HIRA: variants seen among roughly 807,000 people sequenced by gnomAD.
HIRA encodes protein HIRA.
A neutral mutation model predicts 126.6 loss-of-function variants in HIRA; 13 were observed. The ratio of observed to expected loss-of-function variants is 0.10; its 90% CI spans 0.07 to 0.16. The LOEUF (loss-of-function observed/expected upper bound fraction) is 0.16, where lower values mean the gene tolerates loss of function less well. HIRA is among the 10% of genes least tolerant of loss of function. The probability of loss-of-function intolerance (pLI) is 1.00; values close to 1 mark genes in which losing one functional copy is unlikely to be tolerated. For synonymous variants in HIRA, 511 were observed against 520.0 expected, an observed-to-expected ratio of 0.98 and a Z score of 0.24; for missense variants, 834 against 1,314.4, an observed-to-expected ratio of 0.63 and a Z score of 5.65.
chr22:19,371,835 T>C (rs549135006), intron 15 of HIRA, among the ~76,000 whole-genome samples: 7 of 152,398 alleles, frequency 4.6e-5, no homozygotes, highest in Non-Finnish European at 1.0e-4. Context: ...TAATATTCTA[T>C]TGTATGGGTA....
chr22:19,349,019 G>A (rs562082829), intron 24 of HIRA, among the ~76,000 whole-genome samples: 80 of 151,654 alleles, frequency 5.3e-4, no homozygotes, highest in African/African-American at 1.9e-3. Flanking sequence ...CCTGACCTCA[G>A]GTGATCCGCC....
rs1030535228 is a variant in HIRA, at chr22:19,396,855, G to A, written c.586C>T (p.Arg196Cys). 8 of 1,614,046 alleles carry A rather than the reference G, an allele frequency of 5.0e-6. 1 individual carries two copies. The highest frequency in any genetic ancestry group is 2.7e-5 in the African/African-American group (2 of 74,928). Reference protein sequence around the residue: ...GKYIASQADDRSLKVWRTLDW... With the variant: ...GKYIASQADDCSLKVWRTLDW... Reference sequence around the variant, plus strand: ...AGCGTCCTCCACACCTTTAGGCTGCGGTCATCAGCTTGAGAAGCTATGTAT... The same window carrying A: ...AGCGTCCTCCACACCTTTAGGCTGCAGTCATCAGCTTGAGAAGCTATGTAT... The change falls in exon 7 of 25, where the codon CGC becomes TGC. Residue 196 changes from arginine to cysteine, a missense_variant. Transcript: ENST00000263208.
chr22:19,396,321 G>C (rs2089223289), intron 7 of HIRA, among the ~76,000 whole-genome samples: 1 of 152,168 alleles, frequency 6.6e-6, no homozygotes, highest in Admixed American at 6.5e-5. Context: ...TTCGAGACCA[G>C]CCTGGCCAAC....
intron 2 of HIRA, among the ~76,000 whole-genome samples, chr22:19,409,700 T>C (rs1438643779): frequency 6.6e-6 from 1 of 152,214 alleles, no homozygotes; most frequent in Non-Finnish European, 1.5e-5. Flanking sequence ...CCATAAAGCA[T>C]GTTTGAAACT....
chr22:19,380,406 C>T (rs1329377902), intron 13 of HIRA, among the ~76,000 whole-genome samples: 1 of 152,110 alleles, frequency 6.6e-6, no homozygotes, highest in East Asian at 1.9e-4. Context: ...TGAAATGCTA[C>T]CTTTAAAATT....
At chr22:19,386,751 G>A (rs2089131023) in intron 11 of HIRA, among the ~76,000 whole-genome samples, 1 of 152,210 alleles carries the variant, frequency 6.6e-6, no homozygotes. Flanking sequence ...GACTCCAAGG[G>A]AGTGCATAGT....
Position 19,351,805 on chromosome 22 carries a change from C to T in HIRA, c.2849-359G>A, listed in dbSNP as rs1292536458. 3.9e-5 allele frequency among the ~76,000 whole-genome samples: 6 copies of T among 152,012 alleles called. No individual in the cohort carries two copies. The highest frequency in any genetic ancestry group is 7.4e-5 in the Non-Finnish European group (5 of 68,016). On this transcript the variant is annotated intron_variant, in intron 23 of 24. Coordinates refer to ENST00000263208, the MANE Select transcript of HIRA (RefSeq NM_003325.4). This position sits in a 1 kb window ranked among gnomAD's most constrained non-coding sequence, Gnocchi z 4.8. Reference sequence around the variant, plus strand: ...GGTGAGATCTGTCTTTGAGAAGATGCGCTGGCAGCTGGTGTTGAGGGGAGG... The same window carrying T: ...GGTGAGATCTGTCTTTGAGAAGATGTGCTGGCAGCTGGTGTTGAGGGGAGG...
At chr22:19,357,338 A>G (rs2088822392) in intron 18 of HIRA, among the ~76,000 whole-genome samples, 1 of 152,192 alleles carries the variant, frequency 6.6e-6, no homozygotes, top group African/African-American at 2.4e-5. Context: ...TGGAGAGCCA[A>G]TGCCTCTGAT....
intron 17 of HIRA, 118 bp from the exon 18 acceptor site, chr22:19,359,602 G>A: frequency 8.5e-7 from 1 of 1,170,584 alleles, no homozygotes; most frequent in South Asian, 2.0e-5. Context: ...CAGACTGGCT[G>A]GCCAAGAGAG....
intron 18 of HIRA, among the ~76,000 whole-genome samples, chr22:19,357,767 C>T (rs1661691614): frequency 1.3e-5 from 2 of 152,150 alleles, no homozygotes; most frequent in African/African-American, 2.4e-5. Flanking sequence ...CCACCCAGAG[C>T]CCTGCTTTGT....
intron 7 of HIRA, among the ~76,000 whole-genome samples, chr22:19,396,241 C>A (rs2089222597): frequency 6.6e-6 from 1 of 152,192 alleles, no homozygotes; most frequent in South Asian, 2.1e-4. Context: ...CCGGGCCAGG[C>A]GCAGTGACTC....
rs762849358 is a variant in HIRA, at chr22:19,361,221, G to A, written c.2085+16C>T. 1 of 1,592,656 alleles carries A rather than the reference G, an allele frequency of 6.3e-7. No homozygotes were observed. Among genetic ancestry groups the A allele is most frequent in the Admixed American group, 1.7e-5 (1 of 59,992 alleles). On this transcript the variant is annotated intron_variant, in intron 17 of 24. Transcript: ENST00000263208. The stretch of plus-strand genomic sequence containing the variant: ...GGGTGTGCCTGAGGGAGAACTGGCA[G>A]GGTCCTAGAACTTACCTGGAGGGTG...
chr22:19,350,125 A>G (rs781848187), intron 24 of HIRA, among the ~76,000 whole-genome samples: 12 of 151,766 alleles, frequency 7.9e-5, no homozygotes, highest in Admixed American at 1.3e-4. Flanking sequence ...CCAGTATTCT[A>G]TATCTCCCTG....
At position 19,385,578 on chromosome 22, in the gene HIRA, G is replaced by A. The variant is rs2089119346; in HGVS notation, c.1272C>T (p.Gly424=). 1 of 1,614,172 alleles carries A rather than the reference G, an allele frequency of 6.2e-7. No individual in the cohort carries two copies. Among genetic ancestry groups the A allele is most frequent in the South Asian group, 1.1e-5 (1 of 91,092 alleles). Residue 424 remains glycine (G), a synonymous_variant, in exon 12 of 25, where the codon GGC becomes GGT. Transcript: ENST00000263208. ...DQKSAATREM[G]SATSVAGVVN... ...CAACGCCTGCGACTGAGGTGGCTGA[G>A]CCCATCTCCCTGGTCGCAGCACTCT... is the stretch of plus-strand genomic sequence containing the variant.
At chr22:19,362,945 A>G (rs1013126468) in intron 15 of HIRA, among the ~76,000 whole-genome samples, 1 of 151,828 alleles carries the variant, frequency 6.6e-6, no homozygotes, top group Non-Finnish European at 1.5e-5. Flanking sequence ...TTAAAAAAAA[A>G]GAATAAGGCC....
At chr22:19,364,973 C>T (rs937673895) in intron 15 of HIRA, among the ~76,000 whole-genome samples, 2 of 152,176 alleles carry the variant, frequency 1.3e-5, no homozygotes, top group Non-Finnish European at 2.9e-5. Flanking sequence ...AGCAAAACAG[C>T]CTTATTGCTA....
In HIRA at chr22:19,405,766, C is replaced by A; in HGVS notation, c.397+20G>T. 7.2e-7 allele frequency: 1 copy of A among 1,383,894 alleles called. No homozygotes were observed. The highest frequency in any genetic ancestry group is 9.5e-7 in the Non-Finnish European group (1 of 1,052,194). The allele number at this position is 1,383,894 out of a possible 1,614,324, so 85.7% of individuals were successfully genotyped here. ...CCAGGTGTCAGGGGCCCACCCACCCCAACAGGCAGTCCCACTCACCGCCTG... is the reference window on the plus strand; with the variant it reads ...CCAGGTGTCAGGGGCCCACCCACCCAAACAGGCAGTCCCACTCACCGCCTG... On this transcript the variant is annotated intron_variant, in intron 5 of 24. Coordinates refer to ENST00000263208, the MANE Select transcript of HIRA (RefSeq NM_003325.4).
intron 1 of HIRA, among the ~76,000 whole-genome samples, chr22:19,427,544 G>T (rs532351420): frequency 6.6e-6 from 1 of 152,074 alleles, no homozygotes; most frequent in Non-Finnish European, 1.5e-5. Context: ...TAATCCAATC[G>T]CAGGACAGGA....
chr22:19,408,381 G>A, intron 3 of HIRA, 102 bp downstream of exon 3: 1 of 729,496 alleles, frequency 1.4e-6, no homozygotes, highest in Non-Finnish European at 2.5e-6. Context: ...GCCGAGGGGA[G>A]TTACCGCCGC....
Sources: allele counts gnomAD v4.1 joint callset (sites outside exome capture counted in the v4.1 genomes callset), GRCh38; gene constraint gnomAD v4.1.1; non-coding constraint Gnocchi (gnomAD v3.1); transcripts MANE v1.5; gene names NCBI Gene and HGNC (gene_info 2026-07-23, HGNC 2026-07-21).